Variants in RASEF observed in about 807,000 individuals in gnomAD.
RASEF encodes ras and EF-hand domain-containing protein.
Under a neutral mutation model 90.1 loss-of-function variants are expected in RASEF, and 68 were observed. That is an observed-to-expected ratio of 0.75 (90% CI 0.62 to 0.92). The LOEUF is 0.92. RASEF is among the 40% of genes least tolerant of loss of function. The pLI is 0.00. For synonymous variants in RASEF, 331 were observed against 345.2 expected (o/e 0.96, Z 0.46); for missense variants, 949 against 937.2 (o/e 1.01, Z -0.16).
chr9:82,989,938 T>C (rs562790960), intron 16 of RASEF, among the ~76,000 whole-genome samples: 1 of 152,366 alleles, frequency 6.6e-6, no homozygotes, highest in East Asian at 1.9e-4. Context: ...TTATTTATTA[T>C]TAACACTATT....
chr9:83,022,450 C>T lies in RASEF; in HGVS notation c.579-24G>A, dbSNP rs1298339231. On this transcript the variant is annotated intron_variant, in intron 2 of 16. Coordinates refer to ENST00000376447, the MANE Select transcript of RASEF (RefSeq NM_152573.4). ...CTCTGAAATTCAAAAGGATGCACAC[C>T]TTTTCATTATACTCTTGAACTTGAA... The T allele has an allele frequency of 3.3e-6, 5 of 1,536,034 alleles. No homozygotes were observed. In the South Asian group the frequency reaches 5.6e-5, roughly 17 times the overall value.
At chr9:82,984,489 G>C (rs545827011) in intron 16 of RASEF, among the ~76,000 whole-genome samples, 6 of 152,262 alleles carry the variant, frequency 3.9e-5, no homozygotes, top group African/African-American at 1.4e-4. Context: ...TCTAGCTATA[G>C]GACAGCTGGT....
the RASEF span, among the ~76,000 whole-genome samples, chr9:83,092,491 C>T: frequency 2.0e-5 from 3 of 150,194 alleles, no homozygotes; most frequent in Non-Finnish European, 4.5e-5. Flanking sequence ...GCTCTTAGGG[C>T]GGCGCGTCTG....
chr9:83,009,056 C>T (rs1410907184), intron 6 of RASEF, among the ~76,000 whole-genome samples: 1 of 150,076 alleles, frequency 6.7e-6, no homozygotes, highest in Non-Finnish European at 1.5e-5. Context: ...TCTTGTAAGA[C>T]CTTAATTCTG....
chr9:83,196,081 C>A, the RASEF span, among the ~76,000 whole-genome samples: 1 of 151,920 alleles, frequency 6.6e-6, no homozygotes, highest in Non-Finnish European at 1.5e-5. Context: ...GAGTGACTGG[C>A]AGGTGGAGTT....
intron 5 of RASEF, among the ~76,000 whole-genome samples, chr9:83,012,014 G>A (rs1223131334): frequency 6.6e-6 from 1 of 151,888 alleles, no homozygotes; most frequent in African/African-American, 2.4e-5. Flanking sequence ...CAGAAGATAT[G>A]TAAATGTTAC....
the RASEF span, among the ~76,000 whole-genome samples, chr9:83,078,644 A>G: frequency 6.6e-6 from 1 of 151,944 alleles, no homozygotes; most frequent in Non-Finnish European, 1.5e-5. Flanking sequence ...AGCCTGGGCA[A>G]CAGAACTAGA....
chr9:83,029,410 TGAAAC>T, intron 1 of RASEF, among the ~76,000 whole-genome samples: 1 of 149,346 alleles, frequency 6.7e-6, no homozygotes, highest in East Asian at 2.0e-4. Flanking sequence ...TTTTTTTTTT[TGAAAC>T]TGAGTCTCGC....
intron 1 of RASEF, among the ~76,000 whole-genome samples, chr9:83,061,220 C>T (rs1232896161): frequency 6.6e-6 from 1 of 152,108 alleles, no homozygotes; most frequent in Non-Finnish European, 1.5e-5. Context: ...GATCGTTACA[C>T]ACCCACTTTC....
the RASEF span, among the ~76,000 whole-genome samples, chr9:83,168,774 C>T: frequency 1.9e-4 from 29 of 152,164 alleles, 1 homozygote; most frequent in East Asian, 5.4e-3. Context: ...ATCACCTCAC[C>T]CCAGTTAAAA....
chr9:83,187,337 T>A, the RASEF span, among the ~76,000 whole-genome samples: 182 of 152,248 alleles, frequency 1.2e-3, 1 homozygote, highest in Non-Finnish European at 2.9e-4. Context: ...ATAAAAAAAA[T>A]TAAAAATATG....
chr9:83,084,161 T>C, the RASEF span, among the ~76,000 whole-genome samples: 1 of 152,210 alleles, frequency 6.6e-6, no homozygotes, highest in Non-Finnish European at 1.5e-5. Flanking sequence ...AAGTCTACTG[T>C]AATAGTGCCA....
At chr9:83,185,638 A>C in the RASEF span, among the ~76,000 whole-genome samples, 1 of 152,024 alleles carries the variant, frequency 6.6e-6, no homozygotes, top group Non-Finnish European at 1.5e-5. Flanking sequence ...ATGTTCCCCA[A>C]AACACAATGA....
chr9:83,212,380 C>T, the RASEF span, among the ~76,000 whole-genome samples: 7 of 152,132 alleles, frequency 4.6e-5, no homozygotes, highest in East Asian at 1.3e-3. Context: ...ATTTTTAGAA[C>T]CCAAATTCAT....
chr9:83,019,789 T>C lies in RASEF; in HGVS notation c.669+2547A>G, dbSNP rs139133917. On this transcript the variant is annotated intron_variant, in intron 3 of 16. Transcript: ENST00000376447. ...ATTACACGGATAAGTCTCAAAACAA[T>C]TATGTTGAGTGGAAAACGCCAGAGA... is the stretch of plus-strand genomic sequence containing the variant. Among the ~76,000 whole-genome samples the C allele has an allele frequency of 4.4e-4, 67 of 152,240 alleles. 1 individual carries two copies. In the East Asian group the frequency reaches 7.5e-3, roughly 17 times the overall value.
chr9:83,012,475 C>A lies in RASEF; in HGVS notation c.802G>T (p.Asp268Tyr), dbSNP rs140992010. The change falls in exon 5 of 17, where the codon GAT (aspartate) becomes TAT (tyrosine). Residue 268 changes from aspartate (D) to tyrosine (Y), a missense_variant. Physicochemically the swap from Asp to Tyr is radical, Grantham distance 160 (BLOSUM62 -3). Coordinates refer to ENST00000376447, the MANE Select transcript of RASEF (RefSeq NM_152573.4). ...ATTTGTTTTTTCAATGCAGCCACAT[C>A]TTCCTTTTGACTTACGCGTTTTGAT... ...EQSKRVSQKE[D>Y]VAALKKQIYD... 748 of 1,591,640 alleles carry A rather than the reference C, an allele frequency of 4.7e-4. 3 individuals carry two copies. In the African/African-American group the frequency reaches 8.5e-3, roughly 18 times the overall value.
At chr9:83,211,591 A>C in the RASEF span, among the ~76,000 whole-genome samples, 1 of 152,238 alleles carries the variant, frequency 6.6e-6, no homozygotes, top group Admixed American at 6.5e-5. Context: ...AAAGAGTGAG[A>C]TACTGGGACT....
chr9:82,992,169 G>A (rs892276411), intron 15 of RASEF, among the ~76,000 whole-genome samples: 8 of 151,560 alleles, frequency 5.3e-5, no homozygotes, highest in African/African-American at 1.7e-4. Context: ...GTCCTTTCCT[G>A]GTGCTGACGA....
chr9:83,134,449 C>CACACACAT, the RASEF span, among the ~76,000 whole-genome samples: 66 of 139,414 alleles, frequency 4.7e-4, 1 homozygote, highest in South Asian at 9.2e-3. Flanking sequence ...CACACACACA[C>CACACACAT]ATATATATAT....
Sources: allele counts gnomAD v4.1 joint callset (sites outside exome capture counted in the v4.1 genomes callset), GRCh38; gene constraint gnomAD v4.1.1; transcripts MANE v1.5; gene names NCBI Gene and HGNC (gene_info 2026-07-23, HGNC 2026-07-21).